The following PLXNA4 variants were observed in gnomAD, a reference collection of about 807,000 sequenced individuals.
PLXNA4 encodes plexin A4, also known as plexin-A4.
A neutral mutation model predicts 191.8 loss-of-function variants in PLXNA4; 44 were observed. The ratio of observed to expected loss-of-function variants is 0.23; its 90% CI spans 0.18 to 0.29. The LOEUF (loss-of-function observed/expected upper bound fraction) is 0.29. Ranked by LOEUF, PLXNA4 falls within the 10% of genes least tolerant of loss-of-function variation. The probability of loss-of-function intolerance (pLI) is 1.00; values close to 1 mark genes in which losing one functional copy is unlikely to be tolerated. For missense variants in PLXNA4, 1,800 were observed against 2,488.8 expected (o/e 0.72, Z 5.89); for synonymous variants, 1,082 against 1,009.5 (o/e 1.07, Z -1.36).
intron 4 of PLXNA4, among the ~76,000 whole-genome samples, chr7:132,275,496 A>G (rs894292609): frequency 6.6e-6 from 1 of 152,200 alleles, no homozygotes; most frequent in Admixed American, 6.5e-5. Flanking sequence ...GATCAGAGGC[A>G]CATTATACCT....
At chr7:132,206,551 T>TTCTTTC (rs1337069247) in intron 10 of PLXNA4, among the ~76,000 whole-genome samples, 5 of 152,004 alleles carry the variant, frequency 3.3e-5, no homozygotes, top group Middle Eastern at 3.4e-3. Flanking sequence ...TGCTGGGCAT[T>TTCTTTC]TCTTTCTCTT....
intron 2 of PLXNA4, among the ~76,000 whole-genome samples, chr7:132,503,441 G>A (rs11768960): frequency 0.11 from 16,747 of 152,266 alleles, 1,160 homozygotes; most frequent in Non-Finnish European, 0.14. Context: ...TGGGATGCCA[G>A]GTGCTTGGTC....
At chr7:132,534,948 A>G (rs1045387969) in intron 1 of PLXNA4, among the ~76,000 whole-genome samples, 6 of 152,180 alleles carry the variant, frequency 3.9e-5, no homozygotes, top group African/African-American at 1.4e-4. Context: ...TTACTGTGTT[A>G]TTTCACTTCA....
At chr7:132,238,162 T>C (rs556549530) in intron 5 of PLXNA4, among the ~76,000 whole-genome samples, 40 of 152,354 alleles carry the variant, frequency 2.6e-4, no homozygotes, top group African/African-American at 7.7e-4. Context: ...GTATGTGTTA[T>C]AGTGCTGTTG....
intron 3 of PLXNA4, among the ~76,000 whole-genome samples, chr7:132,482,336 G>A (rs1033190377): frequency 6.6e-6 from 1 of 152,202 alleles, no homozygotes; most frequent in Non-Finnish European, 1.5e-5. Context: ...GAAGCCTGCT[G>A]CTGCACTCCT....
intron 4 of PLXNA4, among the ~76,000 whole-genome samples, chr7:132,267,895 C>A (rs532367261): frequency 6.6e-6 from 1 of 152,268 alleles, no homozygotes; most frequent in Admixed American, 6.5e-5. Context: ...CCTTGGCCAT[C>A]AAGAGTTAAC....
intron 3 of PLXNA4, among the ~76,000 whole-genome samples, chr7:132,443,074 T>C (rs1795755237): frequency 6.6e-6 from 1 of 152,170 alleles, no homozygotes; most frequent in Non-Finnish European, 1.5e-5. Flanking sequence ...GAGATCATGG[T>C]ACAGCCATGC....
At chr7:132,150,583 A>G (rs1795568211) in intron 25 of PLXNA4, among the ~76,000 whole-genome samples, 1 of 152,144 alleles carries the variant, frequency 6.6e-6, no homozygotes, top group Admixed American at 6.5e-5. Flanking sequence ...GATGCAATGA[A>G]CTCAGCTCTG....
chr7:132,507,306 C>G (rs773035935), intron 2 of PLXNA4, among the ~76,000 whole-genome samples, 200 bp downstream of exon 2: 5 of 152,218 alleles, frequency 3.3e-5, no homozygotes, highest in Non-Finnish European at 5.9e-5. Flanking sequence ...TCAGCTCCCA[C>G]TCTGACTCTT....
At chr7:132,512,343 T>A (rs542184204) in intron 1 of PLXNA4, among the ~76,000 whole-genome samples, 24 of 152,276 alleles carry the variant, frequency 1.6e-4, no homozygotes, top group South Asian at 1.0e-3. Context: ...AGATGAAGAA[T>A]CCTATAATTA....
chr7:132,411,959 A>G (rs1794474350), intron 3 of PLXNA4, among the ~76,000 whole-genome samples: 1 of 152,042 alleles, frequency 6.6e-6, no homozygotes, highest in Non-Finnish European at 1.5e-5. Flanking sequence ...AACTTGACCA[A>G]TGCCCTCTGC....
chr7:132,400,396 C>T (rs1793935633), intron 3 of PLXNA4, among the ~76,000 whole-genome samples: 1 of 152,148 alleles, frequency 6.6e-6, no homozygotes, highest in East Asian at 1.9e-4. Flanking sequence ...CTACCTGTCA[C>T]CCAGACTCTT....
chr7:132,484,352 G>C (rs1797455996), intron 3 of PLXNA4, among the ~76,000 whole-genome samples: 1 of 152,200 alleles, frequency 6.6e-6, no homozygotes. Flanking sequence ...GAAATCAGAG[G>C]AGGGAGGGTG....
rs1002589546 is a variant in PLXNA4, at chr7:132,508,770, G to T, written c.-77C>A. 1 of 1,438,926 alleles carries T rather than the reference G, an allele frequency of 6.9e-7. No individual in the cohort carries two copies. The highest frequency in any genetic ancestry group is 1.4e-5 in the African/African-American group (1 of 69,826). The allele number at this position is 1,438,926 out of a possible 1,614,324, so 89.1% of individuals were successfully genotyped here. A position where few individuals can be genotyped will look rare whatever the true frequency, so the allele number is the denominator to read the frequency against. Reference sequence around the variant, plus strand: ...CAGAGGGCCAGGACTCAGCAATGCAGTCTCCCCTACTGGAGAAAGGGAAGA... The same window carrying T: ...CAGAGGGCCAGGACTCAGCAATGCATTCTCCCCTACTGGAGAAAGGGAAGA... On this transcript the variant is annotated 5_prime_UTR_variant, in exon 2 of 32. It adds an upstream start codon to the 5' untranslated region. Transcript: ENST00000321063. The surrounding 1 kb of genome is among the most constrained non-coding windows in gnomAD (Gnocchi z 4.4).
At chr7:132,187,326 G>A in intron 15 of PLXNA4, 145 bp downstream of exon 15, 2 of 1,303,642 alleles carry the variant, frequency 1.5e-6, no homozygotes, top group Non-Finnish European at 1.0e-6. Context: ...CAGGAAATTG[G>A]CTCTATCTGT....
At chr7:132,554,054 C>A (rs1213512972) in intron 1 of PLXNA4, among the ~76,000 whole-genome samples, 1 of 152,154 alleles carries the variant, frequency 6.6e-6, no homozygotes, top group Non-Finnish European at 1.5e-5. Context: ...GGGCAAAATT[C>A]AACTATTTCT....
Position 132,130,312 on chromosome 7 carries a change from C to T in PLXNA4, c.*167G>A. On this transcript the variant is annotated 3_prime_UTR_variant, in exon 32 of 32. Transcript: ENST00000321063. ...CAGAGCAACTGGAAGAGAAGAGATCCAGGAAGGAGGGAGAAACGGAAAGAG... is the reference window on the plus strand; with the variant it reads ...CAGAGCAACTGGAAGAGAAGAGATCTAGGAAGGAGGGAGAAACGGAAAGAG... 4.2e-6 allele frequency: 4 copies of T among 951,464 alleles called. No homozygotes were observed. Among genetic ancestry groups the T allele is most frequent in the Non-Finnish European group, 6.2e-6 (4 of 648,002 alleles). 58.9% of individuals were successfully genotyped at this position (951,464 alleles called of 1,614,324 possible).
intron 2 of PLXNA4, among the ~76,000 whole-genome samples, chr7:132,587,365 G>T (rs1053473030): frequency 2.0e-5 from 3 of 152,148 alleles, no homozygotes; most frequent in African/African-American, 7.2e-5. Flanking sequence ...ACATATTTTG[G>T]CTTGATGTGA....
At chr7:132,318,759 G>A (rs990823426) in intron 3 of PLXNA4, among the ~76,000 whole-genome samples, 1 of 151,068 alleles carries the variant, frequency 6.6e-6, no homozygotes, top group African/African-American at 2.4e-5. Flanking sequence ...TGTTACACAG[G>A]CAAAATCACA....
Sources: allele counts gnomAD v4.1 joint callset (sites outside exome capture counted in the v4.1 genomes callset), GRCh38; gene constraint gnomAD v4.1.1; non-coding constraint Gnocchi (gnomAD v3.1); transcripts MANE v1.5; gene names NCBI Gene and HGNC (gene_info 2026-07-23, HGNC 2026-07-21).